The following ANKRD44 variants were observed in gnomAD, a reference collection of about 807,000 sequenced individuals.
ANKRD44 encodes ankyrin repeat domain 44, also known as serine/threonine-protein phosphatase 6 regulatory ankyrin repeat subunit B.
In ANKRD44, 35 loss-of-function variants were observed where a neutral mutation model predicts 116.0. The observed-to-expected ratio is 0.30, with a 90% CI of 0.23 to 0.40. The LOEUF is 0.40. Among genes scored for constraint, ANKRD44 ranks in the 10% least tolerant of loss-of-function variants. The probability of loss-of-function intolerance (pLI) is 1.00; values close to 1 mark genes in which losing one functional copy is unlikely to be tolerated. For synonymous variants in ANKRD44, 435 were observed against 461.8 expected, an observed-to-expected ratio of 0.94 and a Z score of 0.74; for missense variants, 1,014 against 1,242.6, an observed-to-expected ratio of 0.82 and a Z score of 2.77.
intron 1 of ANKRD44, among the ~76,000 whole-genome samples, chr2:197,289,378 C>T (rs571276352): frequency 6.6e-6 from 1 of 152,210 alleles, no homozygotes; most frequent in Admixed American, 6.5e-5. Context: ...TATAAACATG[C>T]ACTTATCAGG....
chr2:197,162,814 G>GT (rs2125504269), intron 2 of ANKRD44, among the ~76,000 whole-genome samples: 1 of 152,272 alleles, frequency 6.6e-6, no homozygotes, highest in Admixed American at 6.5e-5. Flanking sequence ...ATTCATCTCT[G>GT]TATCAACCTA....
At chr2:197,174,034 AAAAT>A (rs920718051) in intron 2 of ANKRD44, among the ~76,000 whole-genome samples, 15 of 152,220 alleles carry the variant, frequency 9.9e-5, no homozygotes, top group Admixed American at 3.9e-4. Context: ...CTTAGTCTCA[AAAAT>A]AAATAAATAA....
rs138404578 is a variant in ANKRD44 at position 197,255,748 on chromosome 2, C to T, written c.27+54830G>A. Among the ~76,000 whole-genome samples the T allele has an allele frequency of 5.9e-5, 9 of 152,340 alleles. No homozygotes were observed. The East Asian group carries it at 1.5e-3, about 26-fold the overall frequency. Reference sequence around the variant, plus strand: ...TGCCCCATCGAAGGCAGCTACACAGCGGCCAGGACAAGCCAGCCAGAGCCA... The same window carrying T: ...TGCCCCATCGAAGGCAGCTACACAGTGGCCAGGACAAGCCAGCCAGAGCCA... On this transcript the variant is annotated intron_variant, in intron 1 of 27. Coordinates refer to ENST00000282272, the MANE Select transcript of ANKRD44 (RefSeq NM_001195144.2).
intron 1 of ANKRD44, among the ~76,000 whole-genome samples, chr2:197,260,329 T>C (rs1260311303): frequency 4.6e-5 from 7 of 152,204 alleles, no homozygotes; most frequent in Non-Finnish European, 7.4e-5. Flanking sequence ...TGAGAACATG[T>C]GGTGTTTGGT....
chr2:196,971,356 T>A (rs1017235600), intron 21 of ANKRD44, among the ~76,000 whole-genome samples: 4 of 152,140 alleles, frequency 2.6e-5, no homozygotes, highest in East Asian at 1.9e-4. Flanking sequence ...TATTATTATT[T>A]TTATTATTAT....
chr2:197,272,841 T>C (rs2082939342), intron 1 of ANKRD44, among the ~76,000 whole-genome samples: 1 of 152,184 alleles, frequency 6.6e-6, no homozygotes, highest in Non-Finnish European at 1.5e-5. Context: ...CTGTTGTTTA[T>C]GGGCCACCCA....
chr2:197,013,560 G>A lies in ANKRD44; in HGVS notation c.1875C>T (p.Ser625=), dbSNP rs1199181317. 6.2e-7 allele frequency: 1 copy of A among 1,614,090 alleles called. No individual in the cohort carries two copies. The highest frequency in any genetic ancestry group is 1.3e-5 in the African/African-American group (1 of 74,918). ...TGGTTACATTGTCTTTCACAAAGAT[G>A]GATGCGCCCTGATTGATAAGCGCTT... ...CVEALINQGA[S]IFVKDNVTKR... The change falls in exon 18 of 28, where the codon TCC becomes TCT. Residue 625 remains serine (S), a synonymous_variant. Transcript: ENST00000282272.
intron 17 of ANKRD44, 83 bp from the exon 18 acceptor site, chr2:197,013,795 T>C (rs893389814): frequency 6.9e-7 from 1 of 1,451,194 alleles, no homozygotes; most frequent in Non-Finnish European, 9.6e-7. Flanking sequence ...CTGGGCTTCC[T>C]GGGCCATGGA....
intron 16 of ANKRD44, among the ~76,000 whole-genome samples, chr2:197,060,901 C>G (rs73049685): frequency 0.015 from 2,213 of 152,254 alleles, 21 homozygotes; most frequent in African/African-American, 0.021. Flanking sequence ...CTGTGTGTCT[C>G]TGTGTGTGTA....
At chr2:197,144,495 A>G (rs537695109) in intron 3 of ANKRD44, among the ~76,000 whole-genome samples, 4 of 152,356 alleles carry the variant, frequency 2.6e-5, no homozygotes, top group African/African-American at 9.6e-5. Context: ...TTGGGAAAAT[A>G]AAAGTCAAGT....
At chr2:197,136,360 G>T in intron 4 of ANKRD44, 4 of 546,882 alleles carry the variant, frequency 7.3e-6, no homozygotes, top group Non-Finnish European at 1.3e-5. Flanking sequence ...AGAACTCATT[G>T]AAATTCAGGA....
At chr2:197,009,114 A>T (rs1014051062) in intron 18 of ANKRD44, 83 bp from the exon 19 acceptor site, 2 of 1,180,894 alleles carry the variant, frequency 1.7e-6, no homozygotes, top group African/African-American at 1.5e-5. Flanking sequence ...TTTTTTTGAG[A>T]TGGAGTCTTG....
At chr2:197,290,218 CA>C (rs58643311) in intron 1 of ANKRD44, among the ~76,000 whole-genome samples, 5,994 of 152,264 alleles carry the variant, frequency 0.039, 370 homozygotes, top group African/African-American at 0.14. Context: ...TTCCCACCAA[CA>C]GTGTAAAAGT....
intron 1 of ANKRD44, among the ~76,000 whole-genome samples, chr2:197,197,325 AAAG>A (rs980081095): frequency 2.0e-5 from 3 of 152,226 alleles, no homozygotes; most frequent in African/African-American, 7.2e-5. Flanking sequence ...CTGCAAAAAA[AAAG>A]AAGTCATATC....
intron 8 of ANKRD44, among the ~76,000 whole-genome samples, chr2:197,117,828 T>C (rs113372563): frequency 3.9e-5 from 6 of 152,328 alleles, no homozygotes; most frequent in African/African-American, 9.6e-5. Context: ...TTTCTAGTTA[T>C]CCACTAATCA....
downstream of ANKRD44, among the ~76,000 whole-genome samples, chr2:196,984,698 A>T (rs1454235015): frequency 1.3e-5 from 2 of 152,226 alleles, no homozygotes; most frequent in Non-Finnish European, 2.9e-5. Context: ...TCTGCTTATG[A>T]GAACACAATT....
intron 4 of ANKRD44, among the ~76,000 whole-genome samples, chr2:197,129,157 G>C (rs1204819089): frequency 6.7e-6 from 1 of 148,542 alleles, no homozygotes; most frequent in Non-Finnish European, 1.5e-5. Flanking sequence ...TTTTTTTTGA[G>C]ATAGAGTCTT....
chr2:197,210,181 C>T (rs1449175799), intron 1 of ANKRD44, among the ~76,000 whole-genome samples: 1 of 152,066 alleles, frequency 6.6e-6, no homozygotes, highest in African/African-American at 2.4e-5. Context: ...TTGGGTGTTT[C>T]GAATGGAGAC....
At chr2:197,233,371 C>T (rs2081910185) in intron 1 of ANKRD44, among the ~76,000 whole-genome samples, 1 of 152,110 alleles carries the variant, frequency 6.6e-6, no homozygotes, top group Non-Finnish European at 1.5e-5. Context: ...ATGTCTCTAA[C>T]CCGGGTAGAC....
Sources: gnomAD v4.1 joint callset for allele counts (sites outside exome capture counted in the v4.1 genomes callset) on GRCh38, gnomAD v4.1.1 for gene constraint, MANE v1.5 for transcripts, NCBI Gene and HGNC (gene_info 2026-07-23, HGNC 2026-07-21) for gene names.